Variants in SNRPA observed in about 807,000 individuals in gnomAD.
The protein encoded by SNRPA is small nuclear ribonucleoprotein polypeptide A.
A neutral mutation model predicts 24.5 loss-of-function variants in SNRPA; 10 were observed. The ratio of observed to expected loss-of-function variants is 0.41; its 90% CI spans 0.25 to 0.69. The LOEUF (loss-of-function observed/expected upper bound fraction) is 0.69. SNRPA is among the 30% of genes least tolerant of loss of function. The probability of loss-of-function intolerance (pLI) is 0.33; values close to 1 mark genes in which losing one functional copy is unlikely to be tolerated. For synonymous variants in SNRPA, 165 were observed against 148.4 expected (o/e 1.11, Z -0.81); for missense variants, 283 against 394.7 (o/e 0.72, Z 2.40).
In SNRPA at chr19:40,753,384, GTTTTTTTT is replaced by G. The variant is rs746525368; in HGVS notation, c.73+1926_73+1933del. On this transcript the variant is annotated intron_variant, in intron 1 of 5. Transcript: ENST00000243563. ...AATCAGGAGTGTAAATTTTGCATAT[GTTTTTTTT>G]TTTTTTTTTTTTTTTTTTTTTTGAG... Among the ~76,000 whole-genome samples, 167 of 38,386 alleles carry G rather than the reference GTTTTTTTT, an allele frequency of 4.4e-3. 2 individuals are homozygous for G. Among genetic ancestry groups the G allele is most frequent in the African/African-American group, 0.018 (157 of 8,894 alleles). 25.2% of individuals were successfully genotyped at this position (38,386 alleles called of 152,430 possible).
rs2082922100 is a variant in SNRPA, at chr19:40,759,457, A to G, written c.273A>G (p.Ser91=). 6.2e-7 allele frequency: 1 copy of G among 1,613,446 alleles called. No individual in the cohort carries two copies. ...GTATCCAGTATGCCAAGACCGACTC[A>G]GATATCATTGCCAAGATGAAAGGCA... is the stretch of plus-strand genomic sequence containing the variant. ...PMRIQYAKTD[S]DIIAKMKGTF... The change falls in exon 3 of 6, where the codon TCA becomes TCG. Residue 91 remains serine (S), a synonymous_variant. Transcript: ENST00000243563.
chr19:40,753,866 T>G (rs934786128), intron 1 of SNRPA, among the ~76,000 whole-genome samples: 19 of 150,962 alleles, frequency 1.3e-4, no homozygotes, highest in Non-Finnish European at 2.4e-4. Flanking sequence ...GCACCATCTC[T>G]GCTCACTGCA....
chr19:40,757,527 CTGTG>C, intron 2 of SNRPA, 23 bp downstream of exon 2: 1 of 1,591,464 alleles, frequency 6.3e-7, no homozygotes, highest in Non-Finnish European at 8.6e-7. Context: ...GGTACGGAGG[CTGTG>C]TGGGTGTGTA....
At position 40,765,163 on chromosome 19, in the gene SNRPA, A is replaced by T. The variant is rs754741975; in HGVS notation, c.845A>T (p.Lys282Met). The change falls in exon 6 of 6, where the codon AAG (lysine) becomes ATG (methionine). Residue 282 changes from lysine (K) to methionine (M), a missense_variant. By Grantham distance (95) the Lys-to-Met change is moderately conservative. This residue lies in a region of SNRPA where 51 missense variants were observed against 110.3 expected (regional missense o/e 0.46). Transcript: ENST00000243563. The stretch of plus-strand genomic sequence containing the variant: ...GCCATGAAGATCTCCTTTGCCAAGA[A>T]GTAGCACCTTTTCCCCCCATGCCTG... ...NNAMKISFAK[K>M] 6.5e-7 allele frequency: 1 copy of T among 1,531,952 alleles called. No individual in the cohort carries two copies. The highest frequency in any genetic ancestry group is 8.8e-7 in the Non-Finnish European group (1 of 1,137,274). 94.9% of individuals were successfully genotyped at this position (1,531,952 alleles called of 1,614,324 possible).
At chr19:40,761,520 G>A (rs986594385) in intron 3 of SNRPA, among the ~76,000 whole-genome samples, 1 of 125,730 alleles carries the variant, frequency 8.0e-6, no homozygotes, top group Non-Finnish European at 1.6e-5. Flanking sequence ...AGGCTGGAGT[G>A]CAGTGGTGTG....
chr19:40,752,647 G>A (rs1314960194), intron 1 of SNRPA, among the ~76,000 whole-genome samples: 1 of 151,638 alleles, frequency 6.6e-6, no homozygotes, highest in Non-Finnish European at 1.5e-5. Context: ...AGCTACTTGG[G>A]AGGCTGAAGT....
At chr19:40,763,383 G>T (rs2279011) in intron 4 of SNRPA, 279,767 of 611,116 alleles carry the variant, frequency 0.46, 68,158 homozygotes, top group Admixed American at 0.54. Context: ...GACTGAGATA[G>T]AAACCTCTGC....
At chr19:40,760,642 A>G (rs1452594835) in intron 3 of SNRPA, among the ~76,000 whole-genome samples, 2 of 152,316 alleles carry the variant, frequency 1.3e-5, no homozygotes, top group South Asian at 2.1e-4. Flanking sequence ...TGACCAGGGG[A>G]AGCTCCAGCA....
intron 1 of SNRPA, among the ~76,000 whole-genome samples, chr19:40,755,306 T>A (rs190690183): frequency 6.9e-6 from 1 of 145,862 alleles, no homozygotes; most frequent in African/African-American, 2.6e-5. Context: ...AGACGGGGTT[T>A]CACCGTCTTG....
chr19:40,751,612 A>G (rs1568482135), intron 1 of SNRPA, 131 bp downstream of exon 1: 1 of 730,330 alleles, frequency 1.4e-6, no homozygotes, highest in Non-Finnish European at 2.5e-6. Flanking sequence ...GCCTTTACAC[A>G]AACTACTTCC....
intron 1 of SNRPA, among the ~76,000 whole-genome samples, chr19:40,752,612 G>A (rs959203858): frequency 6.6e-6 from 1 of 150,744 alleles, no homozygotes; most frequent in African/African-American, 2.4e-5. Flanking sequence ...AAGGCTGGGC[G>A]TGGGTGGGGT....
At chr19:40,761,052 C>T (rs1305847209) in intron 3 of SNRPA, among the ~76,000 whole-genome samples, 1 of 151,072 alleles carries the variant, frequency 6.6e-6, no homozygotes, top group Admixed American at 6.6e-5. Context: ...ACCTCTGCCT[C>T]TCAAGTTCAA....
In SNRPA at chr19:40,751,495, A is replaced by G. The variant is rs752632044; in HGVS notation, c.73+14A>G. 2 of 1,598,414 alleles carry G rather than the reference A, an allele frequency of 1.3e-6. No individual in the cohort carries two copies. The highest frequency in any genetic ancestry group is 1.7e-5 in the Admixed American group (1 of 59,960). On this transcript the variant is annotated intron_variant, in intron 1 of 5. Coordinates refer to ENST00000243563, the MANE Select transcript of SNRPA (RefSeq NM_004596.5). ...TCAAGAAGGATGGTGAGTTCTCGGG[A>G]TAGTCCGGAGTCCAGACTGTCCCGC...
rs565210842 is a variant in SNRPA, at chr19:40,760,007, GA to G, written c.426+404del. On this transcript the variant is annotated intron_variant, in intron 3 of 5. Transcript: ENST00000243563. ...GATCGCTGGATATAAAGGCAATATG[GA>G]AAAAAATTAGTTTTATTTATTTATT... Among the ~76,000 whole-genome samples the G allele has an allele frequency of 2.4e-3, 372 of 152,180 alleles. 1 individual carries two copies. The highest frequency in any genetic ancestry group is 8.6e-3 in the African/African-American group (359 of 41,536).
intron 1 of SNRPA, chr19:40,757,033 G>C: frequency 3.0e-6 from 1 of 337,564 alleles, no homozygotes; most frequent in Non-Finnish European, 5.6e-6. Context: ...GCTGGTGGCA[G>C]TGAAAAGAAT....
At position 40,763,056 on chromosome 19, in the gene SNRPA, G is replaced by T. The variant is rs749693100; in HGVS notation, c.582G>T (p.Gln194His). Residue 194 changes from glutamine to histidine, a missense_variant, in exon 4 of 6, where the codon CAG becomes CAT. Physicochemically the swap from Gln to His is conservative, Grantham distance 24. Transcript: ENST00000243563. ...CCCCGCAGCAGCTTATGCCAGGACA[G>T]ATGCCCCCTGCCCAGCCTGTGAGTA... ...AMPPQQLMPGQMPPAQPLSEN... is the reference protein window; with the variant it reads ...AMPPQQLMPGHMPPAQPLSEN... 1.3e-6 allele frequency: 2 copies of T among 1,583,858 alleles called. No individual in the cohort carries two copies. The highest frequency in any genetic ancestry group is 1.2e-5 in the South Asian group (1 of 86,642).
rs867541794 is a variant in SNRPA, at chr19:40,761,468, T to C, written c.427-1433T>C. Among the ~76,000 whole-genome samples the C allele has an allele frequency of 3.5e-3, 383 of 110,240 alleles. 2 individuals carry two copies. The highest frequency in any genetic ancestry group is 0.02 in the South Asian group (66 of 3,296). 72.3% of individuals were successfully genotyped at this position (110,240 alleles called of 152,430 possible). On this transcript the variant is annotated intron_variant, in intron 3 of 5. Coordinates refer to ENST00000243563, the MANE Select transcript of SNRPA (RefSeq NM_004596.5). ...TTTCTTTTTCTTTTTCTTTTTTTTT[T>C]TTTTTTTTTTTTTTTTGAGACAGAG...
chr19:40,753,420 A>G (rs111323637), intron 1 of SNRPA, among the ~76,000 whole-genome samples: 36,743 of 73,650 alleles, frequency 0.5, 8,061 homozygotes, highest in Admixed American at 0.61. Context: ...TTTTTGAGGC[A>G]GAGTTTCACT....
chr19:40,756,097 C>T (rs1884314669), intron 1 of SNRPA, among the ~76,000 whole-genome samples: 2 of 151,930 alleles, frequency 1.3e-5, no homozygotes, highest in African/African-American at 4.8e-5. Context: ...ACATAGGAGA[C>T]TGTGTCTACA....
Sources: gnomAD v4.1 joint callset for allele counts (sites outside exome capture counted in the v4.1 genomes callset) on GRCh38, gnomAD v4.1.1 for gene constraint, gnomAD v4.1.1 regional missense constraint, MANE v1.5 for transcripts, NCBI Gene and HGNC (gene_info 2026-07-23, HGNC 2026-07-21) for gene names.